Variants in SNX25 observed in about 807,000 individuals in gnomAD.
SNX25 encodes the protein sorting nexin-25.
SNX25 carries 62 observed loss-of-function variants against 113.7 expected under a neutral mutation model. The ratio of observed to expected loss-of-function variants is 0.55; its 90% CI spans 0.44 to 0.67. SNX25 has a LOEUF of 0.67. SNX25 is among the 30% of genes least tolerant of loss of function. The pLI, the probability that SNX25 is intolerant of heterozygous loss-of-function variation, is 0.00. For synonymous variants in SNX25, 421 were observed against 436.2 expected (o/e 0.97, Z 0.43); for missense variants, 1,014 against 1,161.0 (o/e 0.87, Z 1.84).
chr4:185,377,039 A>C, the SNX25 span: 1 of 1,482,826 alleles, frequency 6.7e-7, no homozygotes, highest in Non-Finnish European at 9.4e-7. Flanking sequence ...AAAGGTAAGG[A>C]ATTCCATCAA....
chr4:185,259,266 A>G (rs1206949174), intron 3 of SNX25, among the ~76,000 whole-genome samples: 1 of 152,210 alleles, frequency 6.6e-6, no homozygotes, highest in African/African-American at 2.4e-5. Flanking sequence ...CTTTATAAAT[A>G]CAATTAATTC....
rs745911373 is a variant in SNX25, at chr4:185,362,116, G to A, written c.2833+11G>A. The A allele has an allele frequency of 5.0e-6, 8 of 1,601,534 alleles. No homozygotes were observed. The African/African-American group carries it at 9.4e-5, about 19-fold the overall frequency. ...TTGAAAACATTCCAGGTGAGGCCTG[G>A]GCTATTAGCCTGAAAAGCATAGAGA... On this transcript the variant is annotated intron_variant, in intron 17 of 18. Transcript: ENST00000652585.
At chr4:185,212,361 T>C (rs938328333) in intron 1 of SNX25, among the ~76,000 whole-genome samples, 2 of 151,920 alleles carry the variant, frequency 1.3e-5, no homozygotes, top group East Asian at 3.9e-4. Context: ...TATATATTGC[T>C]TAGAACTGAA....
At chr4:185,234,400 TGGCCGGGCGCGGTGGCTC>T (rs1742312990) in intron 1 of SNX25, among the ~76,000 whole-genome samples, 2 of 88,710 alleles carry the variant, frequency 2.3e-5, no homozygotes, top group Admixed American at 1.2e-4. Context: ...AAGTTTAGGC[TGGCCGGGCGCGGTGGCTC>T]ACGCCTGTAA....
chr4:185,324,048 C>A (rs1444397493), intron 9 of SNX25, among the ~76,000 whole-genome samples: 1 of 152,190 alleles, frequency 6.6e-6, no homozygotes, highest in South Asian at 2.1e-4. Flanking sequence ...CATACATCTT[C>A]CCTCATGCTG....
chr4:185,300,324 A>ATT (rs557323613), intron 6 of SNX25, among the ~76,000 whole-genome samples: 3 of 135,240 alleles, frequency 2.2e-5, no homozygotes, highest in African/African-American at 5.4e-5. Flanking sequence ...ACACCCAGCT[A>ATT]TTTTTTTTTT....
At chr4:185,371,348 G>C (rs1395383502), downstream of SNX25, among the ~76,000 whole-genome samples, 1 of 151,926 alleles carries the variant, frequency 6.6e-6, no homozygotes, top group Non-Finnish European at 1.5e-5. Context: ...GACCATCCTG[G>C]CTAACATGGT....
intron 13 of SNX25, among the ~76,000 whole-genome samples, chr4:185,349,052 C>T (rs1395119048): frequency 6.6e-6 from 1 of 152,170 alleles, no homozygotes; most frequent in African/African-American, 2.4e-5. Flanking sequence ...TTCTTTATGG[C>T]TGAATAATAT....
rs143820470 is a variant in SNX25, at chr4:185,317,744, A to G, written c.1345-2989A>G. 8.3e-3 allele frequency among the ~76,000 whole-genome samples: 1,270 copies of G among 152,212 alleles called. 14 individuals carry two copies. The highest frequency in any genetic ancestry group is 0.029 in the African/African-American group (1,205 of 41,534). On this transcript the variant is annotated intron_variant, in intron 7 of 18. Coordinates refer to ENST00000652585, the MANE Select transcript of SNX25 (RefSeq NM_001378034.2). The stretch of plus-strand genomic sequence containing the variant: ...AGTGGTAGTAGAACAATGAGAACAC[A>G]TGGACACAGGGAGGGGAACATCACA...
chr4:185,216,746 C>G (rs1738917290), intron 1 of SNX25, among the ~76,000 whole-genome samples: 2 of 151,962 alleles, frequency 1.3e-5, no homozygotes, highest in African/African-American at 4.8e-5. Context: ...ATCTTGAACT[C>G]CTGACCTCAG....
At chr4:185,378,379 A>C in the SNX25 span, 1 of 1,394,330 alleles carries the variant, frequency 7.2e-7, no homozygotes, top group South Asian at 1.7e-5. Context: ...GGACACCAAG[A>C]CCCTCCTCCC....
At chr4:185,314,890 A>G (rs1414115378) in intron 7 of SNX25, among the ~76,000 whole-genome samples, 1 of 150,386 alleles carries the variant, frequency 6.6e-6, no homozygotes, top group Non-Finnish European at 1.5e-5. Flanking sequence ...AAAGAAATAG[A>G]AACTCTGAAT....
At chr4:185,280,636 C>G (rs1750433846) in intron 5 of SNX25, among the ~76,000 whole-genome samples, 1 of 152,198 alleles carries the variant, frequency 6.6e-6, no homozygotes, top group Non-Finnish European at 1.5e-5. Flanking sequence ...CTAAAGCCAC[C>G]TACAAAGTAA....
At chr4:185,313,836 G>A (rs1012004910) in intron 7 of SNX25, among the ~76,000 whole-genome samples, 2 of 152,086 alleles carry the variant, frequency 1.3e-5, no homozygotes, top group African/African-American at 4.8e-5. Flanking sequence ...ATAATAGTCA[G>A]TTAACACAGA....
chr4:185,236,642 A>C (rs72708023), intron 1 of SNX25, among the ~76,000 whole-genome samples: 13,352 of 152,278 alleles, frequency 0.088, 765 homozygotes, highest in Non-Finnish European at 0.13. Flanking sequence ...AAAGATATTC[A>C]TGATAAAATA....
intron 13 of SNX25, among the ~76,000 whole-genome samples, chr4:185,347,183 T>C (rs1406248158): frequency 1.3e-5 from 2 of 152,276 alleles, no homozygotes; most frequent in African/African-American, 4.8e-5. Flanking sequence ...GATGAGCCTT[T>C]GGCTCCTTTC....
At position 185,232,292 on chromosome 4, in the gene SNX25, A is replaced by G. The variant is rs1741987986; in HGVS notation, c.430-15002A>G. Among the ~76,000 whole-genome samples the G allele has an allele frequency of 6.6e-6, 1 of 152,186 alleles. No homozygotes were observed. The highest frequency in any genetic ancestry group is 2.4e-5 in the African/African-American group (1 of 41,434). ...CCCAGTTCCTCATTGGTCTAGTACT[A>G]CGGGGTTACAATCTTCCCGGACATC... is the stretch of plus-strand genomic sequence containing the variant. On this transcript the variant is annotated intron_variant, in intron 1 of 18. Coordinates refer to ENST00000652585, the MANE Select transcript of SNX25 (RefSeq NM_001378034.2). The surrounding 1 kb of genome is among the most constrained non-coding windows in gnomAD (Gnocchi z 4.4).
In SNX25 at chr4:185,231,123, G is replaced by A. The variant is rs551122676; in HGVS notation, c.430-16171G>A. Reference sequence around the variant, plus strand: ...TTTTGTTTTTTTTTTTTTTGAGACAGTGTTTCGCTCTGTCGCCCAGGCTGG... The same window carrying A: ...TTTTGTTTTTTTTTTTTTTGAGACAATGTTTCGCTCTGTCGCCCAGGCTGG... On this transcript the variant is annotated intron_variant, in intron 1 of 18. Transcript: ENST00000652585. 6.4e-4 allele frequency among the ~76,000 whole-genome samples: 94 copies of A among 147,878 alleles called. 1 individual carries two copies. The highest frequency in any genetic ancestry group is 2.3e-3 in the African/African-American group (91 of 40,006).
the SNX25 span, chr4:185,377,740 T>G: frequency 5.3e-6 from 1 of 188,626 alleles, no homozygotes; most frequent in African/African-American, 2.4e-5. Context: ...TATAACATTT[T>G]TAAGACTTTA....
Sources: gnomAD v4.1 joint callset for allele counts (sites outside exome capture counted in the v4.1 genomes callset) on GRCh38, gnomAD v4.1.1 for gene constraint, Gnocchi (gnomAD v3.1) non-coding constraint, MANE v1.5 for transcripts, NCBI Gene and HGNC (gene_info 2026-07-23, HGNC 2026-07-21) for gene names.